GABRB2: variants seen among roughly 807,000 people sequenced by gnomAD.
GABRB2 encodes the protein gamma-aminobutyric acid receptor subunit beta-2.
In GABRB2, 16 loss-of-function variants were observed where a neutral mutation model predicts 54.7. The observed-to-expected ratio is 0.29, with a 90% CI of 0.20 to 0.44. The LOEUF (loss-of-function observed/expected upper bound fraction) is 0.44. Among genes scored for constraint, GABRB2 ranks in the 20% least tolerant of loss-of-function variants. The probability of loss-of-function intolerance (pLI) is 1.00; values close to 1 mark genes in which losing one functional copy is unlikely to be tolerated. For synonymous variants in GABRB2, 244 were observed against 233.8 expected (o/e 1.04, Z -0.40); for missense variants, 355 against 644.0 (o/e 0.55, Z 4.86).
intron 9 of GABRB2, among the ~76,000 whole-genome samples, chr5:161,308,177 T>A (rs561314624): frequency 7.9e-5 from 12 of 152,270 alleles, no homozygotes; most frequent in African/African-American, 2.9e-4. Context: ...TTCTTTATAT[T>A]TTCTCTCTAG....
chr5:161,426,893 G>A (rs999514320), intron 4 of GABRB2, among the ~76,000 whole-genome samples: 1 of 152,100 alleles, frequency 6.6e-6, no homozygotes, highest in Non-Finnish European at 1.5e-5. Context: ...AAAAGAAGAT[G>A]TGTATGACAC....
intron 5 of GABRB2, among the ~76,000 whole-genome samples, chr5:161,359,430 A>G (rs1363316278): frequency 1.8e-5 from 2 of 113,222 alleles, no homozygotes; most frequent in African/African-American, 6.8e-5. Flanking sequence ...AAGAGCACAA[A>G]ATTGCATCTG....
chr5:161,374,532 G>A (rs1755227401), intron 5 of GABRB2, among the ~76,000 whole-genome samples: 1 of 152,128 alleles, frequency 6.6e-6, no homozygotes, highest in Non-Finnish European at 1.5e-5. Context: ...ACTCCACCCT[G>A]TCAAAGCTAT....
chr5:161,307,912 G>A (rs1757741329), intron 9 of GABRB2, among the ~76,000 whole-genome samples: 2 of 149,302 alleles, frequency 1.3e-5, no homozygotes, highest in African/African-American at 4.9e-5. Context: ...AGGCTGGAGT[G>A]CAGTGGAGCA....
intron 4 of GABRB2, among the ~76,000 whole-genome samples, chr5:161,452,002 T>A (rs1037400382): frequency 5.9e-5 from 9 of 152,162 alleles, no homozygotes; most frequent in African/African-American, 2.2e-4. Context: ...GAGTTTTCAA[T>A]GTGATTAAGT....
intron 5 of GABRB2, among the ~76,000 whole-genome samples, chr5:161,365,036 G>T (rs1754934086): frequency 6.6e-6 from 1 of 152,030 alleles, no homozygotes; most frequent in African/African-American, 2.4e-5. Flanking sequence ...GAATGGTTTG[G>T]CCATGTTAAG....
chr5:161,307,744 T>A (rs1757733128), intron 9 of GABRB2, among the ~76,000 whole-genome samples: 1 of 152,130 alleles, frequency 6.6e-6, no homozygotes, highest in Non-Finnish European at 1.5e-5. Flanking sequence ...AGGTGTTAGA[T>A]GTTTTGTTAG....
intron 3 of GABRB2, among the ~76,000 whole-genome samples, chr5:161,518,009 C>T (rs943625761): frequency 5.3e-5 from 8 of 152,070 alleles, no homozygotes; most frequent in African/African-American, 1.9e-4. Context: ...GGGGTTTCCC[C>T]GTGTTACTCA....
intron 5 of GABRB2, among the ~76,000 whole-genome samples, chr5:161,401,940 A>G (rs1376123154): frequency 6.6e-6 from 1 of 152,132 alleles, no homozygotes; most frequent in Non-Finnish European, 1.5e-5. Context: ...CACTTGTTAC[A>G]TGTGGCTATT....
At position 161,456,150 on chromosome 5, in the gene GABRB2, G is replaced by A. The variant is rs1455258052; in HGVS notation, c.458+3474C>T. 2.0e-5 allele frequency among the ~76,000 whole-genome samples: 3 copies of A among 152,136 alleles called. No homozygotes were observed. In the East Asian group the frequency reaches 5.8e-4, roughly 29 times the overall value. On this transcript the variant is annotated intron_variant, in intron 4 of 9. Transcript: ENST00000393959. ...AGTTCTACCCAATTTCTTGGTCACT[G>A]CCTTGATATTTAAAGTTTTTCTTCT... is the stretch of plus-strand genomic sequence containing the variant.
chr5:161,535,737 C>G (rs1287677220), intron 3 of GABRB2, among the ~76,000 whole-genome samples: 1 of 152,108 alleles, frequency 6.6e-6, no homozygotes, highest in Non-Finnish European at 1.5e-5. Flanking sequence ...AAACTCAATA[C>G]AAGGTAGTGC....
At chr5:161,415,667 A>C (rs1056699221) in intron 4 of GABRB2, among the ~76,000 whole-genome samples, 8 of 152,084 alleles carry the variant, frequency 5.3e-5, no homozygotes, top group African/African-American at 1.9e-4. Flanking sequence ...GGCTGGAATA[A>C]AGTGATGCTA....
At chr5:161,409,069 C>T (rs1214684710) in intron 5 of GABRB2, among the ~76,000 whole-genome samples, 1 of 152,016 alleles carries the variant, frequency 6.6e-6, no homozygotes, top group Non-Finnish European at 1.5e-5. Flanking sequence ...TATGAATAAG[C>T]CCCAATTTTC....
Position 161,290,283 on chromosome 5 carries a change from T to C in GABRB2, c.*3798A>G, listed in dbSNP as rs550251256. 1.3e-5 allele frequency: 2 copies of C among 152,568 alleles called. No homozygotes were observed. Among genetic ancestry groups the C allele is most frequent in the South Asian group, 4.1e-4 (2 of 4,822 alleles). 9.5% of individuals were successfully genotyped at this position (152,568 alleles called of 1,614,324 possible). A position where few individuals can be genotyped will look rare whatever the true frequency, so the allele number is the denominator to read the frequency against. ...TTCTTCCTCTTTGGAGGAATTTTTA[T>C]CATTTTTCATTTTCTTAAGACATGT... is the stretch of plus-strand genomic sequence containing the variant. On this transcript the variant is annotated 3_prime_UTR_variant, in exon 10 of 10. Coordinates refer to ENST00000393959, the MANE Select transcript of GABRB2 (RefSeq NM_001371727.1).
At chr5:161,532,161 T>G (rs1278379345) in intron 3 of GABRB2, among the ~76,000 whole-genome samples, 1 of 152,122 alleles carries the variant, frequency 6.6e-6, no homozygotes, top group Non-Finnish European at 1.5e-5. Flanking sequence ...ACACTTTTGT[T>G]TCAATCATCA....
At chr5:161,351,876 TA>T (rs1046378528) in intron 5 of GABRB2, among the ~76,000 whole-genome samples, 10 of 151,818 alleles carry the variant, frequency 6.6e-5, no homozygotes, top group Non-Finnish European at 5.9e-5. Context: ...ATAATCCAAT[TA>T]AAAAATGGGC....
chr5:161,519,784 C>T (rs552668550), intron 3 of GABRB2, among the ~76,000 whole-genome samples: 21 of 152,186 alleles, frequency 1.4e-4, no homozygotes, highest in African/African-American at 4.1e-4. Context: ...TTTAAATGAT[C>T]AAGGTGAGGA....
intron 3 of GABRB2, among the ~76,000 whole-genome samples, chr5:161,462,272 A>C (rs1377336181): frequency 6.6e-6 from 1 of 152,210 alleles, no homozygotes; most frequent in Non-Finnish European, 1.5e-5. Context: ...TAGTTTGAGG[A>C]TCTCTAGAGG....
At chr5:161,505,281 C>T (rs948781590) in intron 3 of GABRB2, among the ~76,000 whole-genome samples, 8 of 151,950 alleles carry the variant, frequency 5.3e-5, no homozygotes, top group Admixed American at 4.6e-4. Flanking sequence ...CAGGCAGGTG[C>T]CACCACGCCC....
Sources: allele counts gnomAD v4.1 joint callset (sites outside exome capture counted in the v4.1 genomes callset), GRCh38; gene constraint gnomAD v4.1.1; transcripts MANE v1.5; gene names NCBI Gene and HGNC (gene_info 2026-07-23, HGNC 2026-07-21).